TLN2: variants seen among roughly 807,000 people sequenced by gnomAD.
The protein encoded by TLN2 is talin-2.
A neutral mutation model predicts 294.7 loss-of-function variants in TLN2; 118 were observed. The ratio of observed to expected loss-of-function variants is 0.40; its 90% CI spans 0.34 to 0.47. TLN2 has a LOEUF of 0.47. Among genes scored for constraint, TLN2 ranks in the 20% least tolerant of loss-of-function variants. The pLI, the probability that TLN2 is intolerant of heterozygous loss-of-function variation, is 0.84. For synonymous variants in TLN2, 1,431 were observed against 1,304.5 expected, an observed-to-expected ratio of 1.10 and a Z score of -2.09; for missense variants, 3,083 against 3,282.2, an observed-to-expected ratio of 0.94 and a Z score of 1.48.
rs529434169 is a variant in TLN2, at chr15:62,653,720, C to G, written c.517+406C>G. 7.0e-5 allele frequency among the ~76,000 whole-genome samples: 10 copies of G among 143,826 alleles called. No homozygotes were observed. In the East Asian group the frequency reaches 2.1e-3, roughly 30 times the overall value. 94.4% of individuals were successfully genotyped at this position (143,826 alleles called of 152,430 possible). A position where few individuals can be genotyped will look rare whatever the true frequency, so the allele number is the denominator to read the frequency against. On this transcript the variant is annotated intron_variant, in intron 7 of 58. Coordinates refer to ENST00000636159, the MANE Select transcript of TLN2 (RefSeq NM_015059.3). The stretch of plus-strand genomic sequence containing the variant: ...CCAGCCTGGGTGACAGAGTGAGACT[C>G]GGTCTCAAAAAATAAATAAATAAAA...
intron 3 of TLN2, among the ~76,000 whole-genome samples, chr15:62,641,339 G>A (rs556632010): frequency 1.4e-4 from 21 of 152,150 alleles, no homozygotes; most frequent in South Asian, 6.2e-4. Context: ...AGCCCAGGCC[G>A]GGCACGGTGG....
At chr15:62,565,636 T>G (rs993130722) in intron 1 of TLN2, among the ~76,000 whole-genome samples, 1 of 152,246 alleles carries the variant, frequency 6.6e-6, no homozygotes, top group Non-Finnish European at 1.5e-5. Context: ...GCAAACGCTT[T>G]AAACTTCCAG....
At chr15:62,588,452 G>A (rs375896781) in intron 1 of TLN2, among the ~76,000 whole-genome samples, 6 of 150,930 alleles carry the variant, frequency 4.0e-5, no homozygotes, top group South Asian at 2.1e-4. Context: ...CCTGGCCAAC[G>A]TAGTAAAACC....
At chr15:62,741,069 G>A (rs2061296949) in intron 32 of TLN2, among the ~76,000 whole-genome samples, 1 of 152,038 alleles carries the variant, frequency 6.6e-6, no homozygotes, top group African/African-American at 2.4e-5. Flanking sequence ...TTTTTTTTAA[G>A]TAGCATTATA....
chr15:62,474,048 A>C (rs923439468), intron 1 of TLN2, among the ~76,000 whole-genome samples: 25 of 152,192 alleles, frequency 1.6e-4, no homozygotes, highest in Admixed American at 2.0e-4. Context: ...GAGCCCAGAC[A>C]TGTGCCTTTG....
At chr15:62,396,821 C>T (rs1027894425) in intron 1 of TLN2, among the ~76,000 whole-genome samples, 1 of 152,102 alleles carries the variant, frequency 6.6e-6, no homozygotes, top group African/African-American at 2.4e-5. Flanking sequence ...TCTCATGCCT[C>T]AGCCTCTCAA....
intron 1 of TLN2, among the ~76,000 whole-genome samples, chr15:62,468,700 G>A (rs867524710): frequency 4.3e-4 from 64 of 148,124 alleles, no homozygotes; most frequent in African/African-American, 1.6e-3. Context: ...AGCTGAGATT[G>A]CACCACTGCA....
intron 1 of TLN2, among the ~76,000 whole-genome samples, chr15:62,435,161 T>G (rs958400916): frequency 5.3e-5 from 8 of 152,224 alleles, no homozygotes; most frequent in African/African-American, 1.9e-4. Context: ...TTATCCAGTC[T>G]ATCATTGATG....
intron 1 of TLN2, among the ~76,000 whole-genome samples, chr15:62,516,501 G>C (rs1254773708): frequency 6.6e-6 from 1 of 152,168 alleles, no homozygotes; most frequent in Non-Finnish European, 1.5e-5. Flanking sequence ...GTGTCTGTCA[G>C]GTGAAGGAAC....
chr15:62,805,171 C>T (rs934711083), intron 50 of TLN2, among the ~76,000 whole-genome samples: 3 of 152,110 alleles, frequency 2.0e-5, no homozygotes, highest in African/African-American at 7.2e-5. Flanking sequence ...AGAGGTGAGT[C>T]CTGAGTGATG....
intron 32 of TLN2, among the ~76,000 whole-genome samples, chr15:62,741,860 A>G (rs1480087549): frequency 6.6e-6 from 1 of 151,068 alleles, no homozygotes; most frequent in Admixed American, 6.6e-5. Context: ...TACTTGACTA[A>G]CTCAGTCGCA....
At chr15:62,771,210 C>T (rs1341576566) in intron 42 of TLN2, 76 bp downstream of exon 42, 1 of 1,420,820 alleles carries the variant, frequency 7.0e-7, no homozygotes, top group Non-Finnish European at 9.3e-7. Flanking sequence ...ATGTGTCCTT[C>T]CAGGAGAAAA....
chr15:62,650,495 A>T (rs2052469132), intron 5 of TLN2, among the ~76,000 whole-genome samples: 1 of 152,162 alleles, frequency 6.6e-6, no homozygotes, highest in African/African-American at 2.4e-5. Flanking sequence ...ATGCCTGGAG[A>T]TGGGAAGTAA....
chr15:62,476,204 T>G (rs954801564), intron 1 of TLN2: 1 of 152,190 alleles, frequency 6.6e-6, no homozygotes. Context: ...TGTGTGGCAT[T>G]TTTCCCTCCT....
At chr15:62,579,879 T>A (rs1457994729) in intron 1 of TLN2, among the ~76,000 whole-genome samples, 1 of 152,176 alleles carries the variant, frequency 6.6e-6, no homozygotes, top group Non-Finnish European at 1.5e-5. Context: ...GCAGTGAGAA[T>A]AAAAATGGAG....
intron 9 of TLN2, among the ~76,000 whole-genome samples, chr15:62,667,248 G>A (rs541270798): frequency 1.2e-4 from 18 of 152,332 alleles, no homozygotes; most frequent in African/African-American, 4.1e-4. Flanking sequence ...TTACAGGCGT[G>A]AGCCACCGTG....
intron 31 of TLN2, 157 bp from the exon 32 acceptor site, chr15:62,740,473 A>T: frequency 1.2e-6 from 1 of 830,980 alleles, no homozygotes; most frequent in Non-Finnish European, 1.9e-6. Flanking sequence ...GACACTGGTC[A>T]GTGTCTCAAC....
intron 24 of TLN2, among the ~76,000 whole-genome samples, chr15:62,718,045 G>T (rs754007663): frequency 6.6e-6 from 1 of 152,128 alleles, no homozygotes; most frequent in Non-Finnish European, 1.5e-5. Context: ...ATTCAGCCTC[G>T]CTCCCTGGAG....
In TLN2 at chr15:62,647,332, A is replaced by G. The variant is rs763916983; in HGVS notation, c.22A>G (p.Ile8Val). The change falls in exon 4 of 59, where the codon ATT (isoleucine) becomes GTT (valine). Residue 8 changes from isoleucine to valine, a missense_variant. Physicochemically the swap from Ile to Val is conservative, Grantham distance 29. Transcript: ENST00000636159. ...GAAAATGGTGGCCCTGTCCTTAAAG[A>G]TTTGTGTGCGCCACTGCAACGTGGT... MVALSLK[I>V]CVRHCNVVKT... 6.2e-6 allele frequency: 10 copies of G among 1,614,052 alleles called. No individual in the cohort carries two copies. Among genetic ancestry groups the G allele is most frequent in the Non-Finnish European group, 8.5e-6 (10 of 1,180,018 alleles).
Sources: allele counts gnomAD v4.1 joint callset (sites outside exome capture counted in the v4.1 genomes callset), GRCh38; gene constraint gnomAD v4.1.1; transcripts MANE v1.5; gene names NCBI Gene and HGNC (gene_info 2026-07-23, HGNC 2026-07-21).